Variants in SGCZ observed in about 807,000 individuals in gnomAD.
SGCZ encodes sarcoglycan zeta, also known as zeta-sarcoglycan.
In SGCZ, 40 loss-of-function variants were observed where a neutral mutation model predicts 41.3. The observed-to-expected ratio is 0.97, with a 90% CI of 0.75 to 1.26. SGCZ has a LOEUF of 1.26. SGCZ is among the 50% of genes most tolerant of loss of function. The probability of loss-of-function intolerance (pLI) is 0.00; values close to 1 mark genes in which losing one functional copy is unlikely to be tolerated. For missense variants in SGCZ, 552 were observed against 369.8 expected, an observed-to-expected ratio of 1.49 and a Z score of -4.04; for synonymous variants, 206 against 137.5, an observed-to-expected ratio of 1.50 and a Z score of -3.49.
chr8:15,152,114 G>C (rs1799194292), intron 1 of SGCZ, among the ~76,000 whole-genome samples: 1 of 152,090 alleles, frequency 6.6e-6, no homozygotes, highest in South Asian at 2.1e-4. Context: ...GATTTTGTTT[G>C]TTAAAAACTG....
rs369931440 is a variant in SGCZ, at chr8:14,661,259, A to G, written c.40-106333T>C. 2.6e-5 allele frequency among the ~76,000 whole-genome samples: 4 copies of G among 152,316 alleles called. No homozygotes were observed. In the East Asian group the frequency reaches 7.7e-4, roughly 29 times the overall value. ...GACAACAACTAGAGTAACTTAAAAT[A>G]GAATATTAAGCGATAAGCAAGAATG... On this transcript the variant is annotated intron_variant, in intron 1 of 7. Transcript: ENST00000382080.
intron 2 of SGCZ, among the ~76,000 whole-genome samples, chr8:14,519,697 T>C (rs1189218696): frequency 3.3e-5 from 5 of 152,164 alleles, no homozygotes; most frequent in Non-Finnish European, 7.4e-5. Context: ...TGTTCATTTA[T>C]CTGCAATAAT....
At chr8:14,270,157 C>T (rs1013919992) in intron 3 of SGCZ, among the ~76,000 whole-genome samples, 5 of 134,650 alleles carry the variant, frequency 3.7e-5, no homozygotes, top group Admixed American at 3.7e-4. Flanking sequence ...CATGGTGAAA[C>T]CCTGTGTTCT....
At chr8:14,633,794 T>C (rs1336235088) in intron 1 of SGCZ, among the ~76,000 whole-genome samples, 2 of 151,976 alleles carry the variant, frequency 1.3e-5, no homozygotes, top group African/African-American at 4.8e-5. Flanking sequence ...GACCTGATGC[T>C]AAAAGTTAAA....
Position 15,082,082 on chromosome 8 carries a change from A to C in SGCZ, c.39+155503T>G, listed in dbSNP as rs182803150. 2.9e-3 allele frequency among the ~76,000 whole-genome samples: 443 copies of C among 152,154 alleles called. 2 individuals are homozygous for C. Among genetic ancestry groups the C allele is most frequent in the African/African-American group, 8.9e-3 (370 of 41,522 alleles). The stretch of plus-strand genomic sequence containing the variant: ...CGCCTCTACTAAAAATACAAAAATT[A>C]GCTGGGCATGATCGCGGCCACCTGT... On this transcript the variant is annotated intron_variant, in intron 1 of 7. Transcript: ENST00000382080.
At chr8:14,274,762 T>A (rs1800173202) in intron 3 of SGCZ, among the ~76,000 whole-genome samples, 1 of 152,124 alleles carries the variant, frequency 6.6e-6, no homozygotes, top group Non-Finnish European at 1.5e-5. Context: ...TAATTTTATA[T>A]TCATGCTTCT....
chr8:14,884,492 G>T (rs1457595500), intron 1 of SGCZ, among the ~76,000 whole-genome samples: 1 of 151,826 alleles, frequency 6.6e-6, no homozygotes, highest in Admixed American at 6.6e-5. Context: ...AGATGGTAAA[G>T]ACCTAACATA....
rs577562837 is a variant in SGCZ, at chr8:15,133,960, A to T, written c.39+103625T>A. 8.2e-4 allele frequency among the ~76,000 whole-genome samples: 125 copies of T among 152,264 alleles called. 1 individual carries two copies. The South Asian group carries it at 0.012, about 15-fold the overall frequency. ...TCAATGTTCTGTTTTTAATATTATC[A>T]ATGAAAGAAAAATTATTCTGAGAAA... On this transcript the variant is annotated intron_variant, in intron 1 of 7. Coordinates refer to ENST00000382080, the MANE Select transcript of SGCZ (RefSeq NM_139167.4).
chr8:14,738,545 C>T (rs1015771580), intron 1 of SGCZ, among the ~76,000 whole-genome samples: 5 of 152,084 alleles, frequency 3.3e-5, no homozygotes, highest in Admixed American at 6.6e-5. Context: ...GTACCTAGCT[C>T]GTAAAATTTC....
intron 1 of SGCZ, among the ~76,000 whole-genome samples, chr8:15,034,031 A>C (rs903408629): frequency 6.6e-6 from 1 of 152,176 alleles, no homozygotes; most frequent in Non-Finnish European, 1.5e-5. Flanking sequence ...ACAGGCTTCA[A>C]CCTAAATTAA....
At chr8:14,496,494 T>TCA (rs1179517487) in intron 2 of SGCZ, among the ~76,000 whole-genome samples, 1 of 152,172 alleles carries the variant, frequency 6.6e-6, no homozygotes, top group Non-Finnish European at 1.5e-5. Context: ...TCTTACTACC[T>TCA]CACGTACACC....
intron 3 of SGCZ, among the ~76,000 whole-genome samples, chr8:14,263,474 A>G (rs1174664113): frequency 6.6e-6 from 1 of 152,100 alleles, no homozygotes; most frequent in Admixed American, 6.5e-5. Flanking sequence ...ACTTGAACCC[A>G]GGAGGCGGAT....
intron 2 of SGCZ, among the ~76,000 whole-genome samples, chr8:14,374,484 G>C (rs1185648875): frequency 3.9e-5 from 6 of 152,006 alleles, no homozygotes; most frequent in Non-Finnish European, 2.9e-5. Context: ...TTTTTTTCCA[G>C]TGAAATAAGA....
chr8:14,515,717 T>G (rs1322337672), intron 2 of SGCZ, among the ~76,000 whole-genome samples: 2 of 152,106 alleles, frequency 1.3e-5, no homozygotes, highest in South Asian at 2.1e-4. Context: ...ACGAAAGTTG[T>G]CCATTGAAAT....
At chr8:14,262,234 A>T (rs1208156526) in intron 3 of SGCZ, among the ~76,000 whole-genome samples, 1 of 152,160 alleles carries the variant, frequency 6.6e-6, no homozygotes, top group Non-Finnish European at 1.5e-5. Flanking sequence ...AAAAGCAAGG[A>T]CCTTACTGAT....
chr8:15,191,419 A>C (rs1054497178), intron 1 of SGCZ, among the ~76,000 whole-genome samples: 4 of 152,056 alleles, frequency 2.6e-5, no homozygotes, highest in African/African-American at 9.7e-5. Flanking sequence ...CGCTTAAGGG[A>C]TTTATACTGA....
At chr8:14,266,635 A>T (rs992763266) in intron 3 of SGCZ, among the ~76,000 whole-genome samples, 7 of 152,128 alleles carry the variant, frequency 4.6e-5, no homozygotes, top group Admixed American at 6.5e-5. Context: ...AATGTAGTGA[A>T]GAGTGAAGAA....
intron 1 of SGCZ, among the ~76,000 whole-genome samples, chr8:14,972,270 T>C (rs2130866094): frequency 6.9e-6 from 1 of 145,424 alleles, no homozygotes; most frequent in East Asian, 1.9e-4. Context: ...GTTGTAATGT[T>C]TCCTCTGTCA....
chr8:14,407,806 A>T (rs1799252228), intron 2 of SGCZ, among the ~76,000 whole-genome samples: 1 of 152,130 alleles, frequency 6.6e-6, no homozygotes, highest in African/African-American at 2.4e-5. Context: ...GAGACTTTCA[A>T]ATGATGACCT....
Sources: gnomAD v4.1 joint callset for allele counts (sites outside exome capture counted in the v4.1 genomes callset) on GRCh38, gnomAD v4.1.1 for gene constraint, MANE v1.5 for transcripts, NCBI Gene and HGNC (gene_info 2026-07-23, HGNC 2026-07-21) for gene names.